APC: variants seen among roughly 807,000 people sequenced by gnomAD.
The protein encoded by APC is APC regulator of Wnt signaling pathway, also known as adenomatous polyposis coli protein.
A neutral mutation model predicts 247.0 loss-of-function variants in APC; 72 were observed. That is an observed-to-expected ratio of 0.29 (90% CI 0.24 to 0.35). The LOEUF is 0.35. Ranked by LOEUF, APC falls within the 10% of genes least tolerant of loss-of-function variation. The pLI, the probability that APC is intolerant of heterozygous loss-of-function variation, is 1.00. For synonymous variants in APC, 1,254 were observed against 1,162.5 expected, an observed-to-expected ratio of 1.08 and a Z score of -1.60; for missense variants, 3,400 against 3,360.7, an observed-to-expected ratio of 1.01 and a Z score of -0.29.
rs1399790840 is a variant in APC, at chr5:112,839,694, A to G, written c.4100A>G (p.Gln1367Arg). ...AAATCTCCCTCCAAAAGTGGTGCTCAGACACCCAAAAGTCCACCTGAACAC... is the reference window on the plus strand; with the variant it reads ...AAATCTCCCTCCAAAAGTGGTGCTCGGACACCCAAAAGTCCACCTGAACAC... ...GAKSPSKSGA[Q>R]TPKSPPEHYV... The change falls in exon 16 of 16, where the codon CAG becomes CGG. Residue 1367 changes from glutamine to arginine, a missense_variant. Gln to Arg is a conservative substitution (Grantham distance 43). Transcript: ENST00000257430. The surrounding 1 kb of genome is among the most constrained non-coding windows in gnomAD (Gnocchi z 5.0). 8.7e-6 allele frequency: 14 copies of G among 1,614,062 alleles called. No individual in the cohort carries two copies. The highest frequency in any genetic ancestry group is 1.2e-5 in the Non-Finnish European group (14 of 1,180,036).
At chr5:112,769,976 T>C (rs1241160424) in intron 4 of APC, among the ~76,000 whole-genome samples, 3 of 151,418 alleles carry the variant, frequency 2.0e-5, no homozygotes, top group Non-Finnish European at 4.4e-5. Flanking sequence ...TCCATAATCT[T>C]CCATCTCTTT....
chr5:112,744,021 TC>T (rs888357295), intron 1 of APC, among the ~76,000 whole-genome samples: 11 of 152,104 alleles, frequency 7.2e-5, no homozygotes, highest in Admixed American at 1.3e-4. Context: ...AATTTTTTTT[TC>T]ATAAGGAGAG....
Position 112,825,649 on chromosome 5 carries a change from C to T in APC, c.1409-1459C>T, listed in dbSNP as rs546795202. ...GGAGAATCACTTGAACCTAGGAGTT[C>T]GCAACCAGCTCGGGCAACATAGTGG... On this transcript the variant is annotated intron_variant, in intron 11 of 15. Transcript: ENST00000257430. 2.6e-4 allele frequency among the ~76,000 whole-genome samples: 39 copies of T among 152,242 alleles called. No homozygotes were observed. The South Asian group carries it at 7.9e-3, about 31-fold the overall frequency.
chr5:112,721,945 A>C (rs1751504556), intron 1 of APC, among the ~76,000 whole-genome samples: 1 of 152,134 alleles, frequency 6.6e-6, no homozygotes, highest in Non-Finnish European at 1.5e-5. Context: ...GTTGGGCTGC[A>C]TTCAAAGCCA....
At chr5:112,709,887 A>G (rs912458458) in intron 1 of APC, among the ~76,000 whole-genome samples, 9 of 152,204 alleles carry the variant, frequency 5.9e-5, no homozygotes, top group African/African-American at 2.2e-4. Flanking sequence ...TCTGGGTGAC[A>G]GTAAGACCCT....
intron 1 of APC, among the ~76,000 whole-genome samples, chr5:112,711,735 A>AT (rs1220339595): frequency 7.2e-5 from 11 of 152,136 alleles, no homozygotes; most frequent in African/African-American, 1.4e-4. Context: ...AAACAAAAAA[A>AT]CCCAAAGAGA....
intron 1 of APC, among the ~76,000 whole-genome samples, chr5:112,743,551 G>A (rs1016933895): frequency 1.8e-4 from 27 of 152,258 alleles, no homozygotes; most frequent in Non-Finnish European, 2.8e-4. Context: ...TGATCACCAA[G>A]ATGGTAAGCA....
Position 112,838,258 on chromosome 5 carries a change from C to A in APC, c.2664C>A (p.Ala888=), listed in dbSNP as rs939537800. ...LQISTTAAQI[A]KVMEEVSAIH... ...TCTCCACCACTGCAGCCCAGATTGC[C>A]AAAGTCATGGAAGAAGTGTCAGCCA... The change falls in exon 16 of 16, where the codon GCC becomes GCA. Residue 888 remains alanine (A), a synonymous_variant. Transcript: ENST00000257430. 1.2e-6 allele frequency: 2 copies of A among 1,614,062 alleles called. No homozygotes were observed. Among genetic ancestry groups the A allele is most frequent in the Non-Finnish European group, 1.7e-6 (2 of 1,180,042 alleles).
At chr5:112,772,697 A>G (rs937900860) in intron 4 of APC, among the ~76,000 whole-genome samples, 5 of 151,952 alleles carry the variant, frequency 3.3e-5, no homozygotes, top group Admixed American at 6.6e-5. Flanking sequence ...CTGTATTTTT[A>G]GTAGAGACGG....
intron 2 of APC, among the ~76,000 whole-genome samples, chr5:112,761,572 C>A (rs538075161): frequency 6.6e-6 from 1 of 151,966 alleles, no homozygotes; most frequent in African/African-American, 2.4e-5. Flanking sequence ...GAAAAAAGAT[C>A]AGTAGAAAAT....
At chr5:112,783,781 A>G (rs2149653806) in intron 6 of APC, 4 of 394,040 alleles carry the variant, frequency 1.0e-5, no homozygotes, top group South Asian at 7.5e-5. Flanking sequence ...AAAAAAAAAA[A>G]AAAGAGAAAG....
At chr5:112,834,039 C>G (rs1356161633) in intron 14 of APC, among the ~76,000 whole-genome samples, 1 of 151,778 alleles carries the variant, frequency 6.6e-6, no homozygotes, top group Non-Finnish European at 1.5e-5. Flanking sequence ...GCAGCCTTGA[C>G]CTCCCAGGCG....
intron 1 of APC, among the ~76,000 whole-genome samples, chr5:112,708,828 TAGTCTTGTGCC>T (rs1465399460): frequency 1.3e-5 from 2 of 152,234 alleles, no homozygotes; most frequent in East Asian, 3.8e-4. Flanking sequence ...CTATATGATT[TAGTCTTGTGCC>T]AGTCTCAGTA....
chr5:112,800,812 A>G (rs1357040611), intron 7 of APC, among the ~76,000 whole-genome samples: 1 of 151,956 alleles, frequency 6.6e-6, no homozygotes, highest in Non-Finnish European at 1.5e-5. Flanking sequence ...TATTTCACCT[A>G]ACTTTTATTA....
At chr5:112,818,677 A>G (rs558639476) in intron 9 of APC, among the ~76,000 whole-genome samples, 1 of 152,292 alleles carries the variant, frequency 6.6e-6, no homozygotes, top group African/African-American at 2.4e-5. Context: ...GGCAAACAGC[A>G]CTAACAGTTT....
rs933496509 is a variant in APC at position 112,707,862 on chromosome 5, C to T, written c.145C>T (p.His49Tyr). ...CCCGGGCGGCGCTCGTACTTCTGGCCACTGGGCGAGCGTCTGGCAGGTGAG... is the reference window on the plus strand; with the variant it reads ...CCCGGGCGGCGCTCGTACTTCTGGCTACTGGGCGAGCGTCTGGCAGGTGAG... The change falls in exon 1 of 14, where the codon CAC becomes TAC. Residue 49 changes from histidine (H) to tyrosine (Y), a missense_variant. Coordinates refer to the APC transcript ENST00000507379. The T allele has an allele frequency of 7.3e-7, 1 of 1,369,756 alleles. No individual in the cohort carries two copies. The allele number at this position is 1,369,756 out of a possible 1,614,324, so 84.9% of individuals were successfully genotyped here.
At chr5:112,748,535 G>C (rs1341844207) in intron 1 of APC, among the ~76,000 whole-genome samples, 1 of 152,110 alleles carries the variant, frequency 6.6e-6, no homozygotes, top group African/African-American at 2.4e-5. Context: ...TCTTATTCCT[G>C]ATTTTAAAGA....
At chr5:112,747,076 G>A (rs1457167288) in intron 1 of APC, among the ~76,000 whole-genome samples, 4 of 152,160 alleles carry the variant, frequency 2.6e-5, no homozygotes, top group Non-Finnish European at 5.9e-5. Flanking sequence ...TGATCCTCCA[G>A]CCCCAGCCTT....
intron 4 of APC, among the ~76,000 whole-genome samples, 199 bp from the exon 5 acceptor site, chr5:112,775,429 CT>C (rs1757514732): frequency 6.6e-6 from 1 of 151,736 alleles, no homozygotes; most frequent in African/African-American, 2.4e-5. Context: ...AAAAAAAGTT[CT>C]TTTTAATACT....
Sources: allele counts gnomAD v4.1 joint callset (sites outside exome capture counted in the v4.1 genomes callset), GRCh38; gene constraint gnomAD v4.1.1; non-coding constraint Gnocchi (gnomAD v3.1); transcripts MANE v1.5; gene names NCBI Gene and HGNC (gene_info 2026-07-23, HGNC 2026-07-21).